RGS20: variants seen among roughly 807,000 people sequenced by gnomAD.
The protein encoded by RGS20 is regulator of G protein signaling 20, also known as gz-selective GTPase-activating protein.
A neutral mutation model predicts 33.6 loss-of-function variants in RGS20; 30 were observed. That is an observed-to-expected ratio of 0.89 (90% CI 0.67 to 1.21). The LOEUF (loss-of-function observed/expected upper bound fraction) is 1.21, where lower values mean the gene tolerates loss of function less well. Ranked by LOEUF, RGS20 falls within the 50% of genes most tolerant of loss-of-function variation. The pLI is 0.00. For synonymous variants in RGS20, 208 were observed against 197.9 expected (o/e 1.05, Z -0.43); for missense variants, 472 against 502.4 (o/e 0.94, Z 0.58).
At chr8:53,859,304 G>A (rs1329369680) in intron 1 of RGS20, among the ~76,000 whole-genome samples, 2 of 152,058 alleles carry the variant, frequency 1.3e-5, no homozygotes, top group Non-Finnish European at 2.9e-5. Flanking sequence ...ACCTTTTGGG[G>A]AATATTTTAA....
At chr8:53,933,415 ATGACC>A (rs1814032381) in intron 2 of RGS20, among the ~76,000 whole-genome samples, 1 of 152,206 alleles carries the variant, frequency 6.6e-6, no homozygotes, top group Admixed American at 6.5e-5. Context: ...AAGAATATAA[ATGACC>A]TGATGTAGCT....
At chr8:53,857,384 A>G (rs1234289817) in intron 1 of RGS20, among the ~76,000 whole-genome samples, 1 of 152,156 alleles carries the variant, frequency 6.6e-6, no homozygotes, top group African/African-American at 2.4e-5. Context: ...CCTTTGATGG[A>G]GACCATAAGG....
intron 2 of RGS20, among the ~76,000 whole-genome samples, chr8:53,896,862 A>G (rs1185011830): frequency 1.3e-4 from 20 of 152,248 alleles, no homozygotes; most frequent in Non-Finnish European, 2.9e-5. Context: ...GATGGCTTTC[A>G]GAGATTTCAA....
chr8:53,955,285 T>C (rs1814835370), intron 5 of RGS20, among the ~76,000 whole-genome samples: 2 of 151,702 alleles, frequency 1.3e-5, no homozygotes, highest in African/African-American at 4.8e-5. Context: ...TCCCCTGGAG[T>C]CTCCATTTGA....
chr8:53,948,414 C>CTATATATAAGATACAGTATATATTTAT lies in RGS20; in HGVS notation c.743+1666_743+1667insTATATATAAGATACAGTATATATTTAT, dbSNP rs1563432154. On this transcript the variant is annotated intron_variant, in intron 4 of 5. Transcript: ENST00000297313. Reference sequence around the variant, plus strand: ...ATATATAAGATACAGTATATATTTACATATGCTATATATAAGATACAGTAT... The same window carrying CTATATATAAGATACAGTATATATTTAT: ...ATATATAAGATACAGTATATATTTACTATATATAAGATACAGTATATATTTATATATGCTATATATAAGATACAGTAT... 1.8e-4 allele frequency among the ~76,000 whole-genome samples: 24 copies of CTATATATAAGATACAGTATATATTTAT among 132,684 alleles called. 1 individual carries two copies. Among genetic ancestry groups the CTATATATAAGATACAGTATATATTTAT allele is most frequent in the Admixed American group, 4.5e-4 (6 of 13,252 alleles). 87.0% of individuals were successfully genotyped at this position (132,684 alleles called of 152,430 possible).
intron 2 of RGS20, among the ~76,000 whole-genome samples, chr8:53,932,368 A>T (rs1157425262): frequency 6.6e-6 from 1 of 152,194 alleles, no homozygotes; most frequent in Non-Finnish European, 1.5e-5. Flanking sequence ...GCAAGCTAAG[A>T]TCCAATGGCT....
In RGS20 at chr8:53,913,082, C is replaced by T. The variant is rs374471123; in HGVS notation, c.511-26494C>T. 6.5e-4 allele frequency among the ~76,000 whole-genome samples: 99 copies of T among 152,088 alleles called. No homozygotes were observed. In the South Asian group the frequency reaches 0.019, roughly 29 times the overall value. Reference sequence around the variant, plus strand: ...CTGGGTTCAAGCAATTCTCCTGCCTCGGCCTCCCAAGTAGCTGGGATTACA... The same window carrying T: ...CTGGGTTCAAGCAATTCTCCTGCCTTGGCCTCCCAAGTAGCTGGGATTACA... On this transcript the variant is annotated intron_variant, in intron 2 of 5. Transcript: ENST00000297313.
chr8:53,893,396 C>T (rs541284914), intron 2 of RGS20, among the ~76,000 whole-genome samples: 3 of 152,118 alleles, frequency 2.0e-5, no homozygotes, highest in African/African-American at 2.4e-5. Context: ...AACCTGGAGG[C>T]GGAGTAGCAG....
intron 2 of RGS20, among the ~76,000 whole-genome samples, chr8:53,915,661 G>A (rs949768324): frequency 3.9e-5 from 6 of 152,206 alleles, no homozygotes; most frequent in African/African-American, 1.2e-4. Context: ...GCAGTCCGGA[G>A]GGAAGCTGCA....
intron 3 of RGS20, among the ~76,000 whole-genome samples, chr8:53,943,946 A>C (rs1442079301): frequency 2.0e-5 from 3 of 152,112 alleles, no homozygotes; most frequent in African/African-American, 7.2e-5. Context: ...GAAAGAAGTC[A>C]AAAGGGTTCC....
chr8:53,954,639 G>A (rs918330769), intron 5 of RGS20, among the ~76,000 whole-genome samples: 5 of 151,766 alleles, frequency 3.3e-5, no homozygotes, highest in Admixed American at 6.6e-5. Flanking sequence ...ACTCCAGCCT[G>A]GGTGACAACA....
intron 3 of RGS20, among the ~76,000 whole-genome samples, chr8:53,944,297 T>C (rs1814397897): frequency 6.6e-6 from 1 of 152,162 alleles, no homozygotes. Context: ...CCCAACACTT[T>C]GGGAGGCCGA....
At chr8:53,867,626 A>C (rs1371654738) in intron 1 of RGS20, among the ~76,000 whole-genome samples, 1 of 151,898 alleles carries the variant, frequency 6.6e-6, no homozygotes, top group Non-Finnish European at 1.5e-5. Flanking sequence ...CTGTTTCCAA[A>C]TCTTAGGTAA....
At chr8:53,909,808 A>G (rs1394817442) in intron 2 of RGS20, among the ~76,000 whole-genome samples, 1 of 152,224 alleles carries the variant, frequency 6.6e-6, no homozygotes, top group Non-Finnish European at 1.5e-5. Flanking sequence ...TGTGTATGAT[A>G]CACTTGTCTT....
intron 1 of RGS20, among the ~76,000 whole-genome samples, chr8:53,872,908 T>C (rs923302609): frequency 9.9e-5 from 15 of 152,162 alleles, no homozygotes; most frequent in Admixed American, 9.8e-4. Flanking sequence ...TCAATGGCAC[T>C]ATCTATTTCC....
Position 53,958,544 on chromosome 8 carries a change from T to C in RGS20, c.*86T>C, listed in dbSNP as rs1814943437. 1 of 664,740 alleles carries C rather than the reference T, an allele frequency of 1.5e-6. No homozygotes were observed. Among genetic ancestry groups the C allele is most frequent in the South Asian group, 5.8e-5 (1 of 17,342 alleles). The allele number at this position is 664,740 out of a possible 1,614,324, so 41.2% of individuals were successfully genotyped here. A position where few individuals can be genotyped will look rare whatever the true frequency, so the allele number is the denominator to read the frequency against. ...CACAGGGAATTTAGAGGTTGTAGCATCTTCTGCTGGAGTAATACTCAGGCT... is the reference window on the plus strand; with the variant it reads ...CACAGGGAATTTAGAGGTTGTAGCACCTTCTGCTGGAGTAATACTCAGGCT... On this transcript the variant is annotated 3_prime_UTR_variant, in exon 6 of 6. Coordinates refer to ENST00000297313, the MANE Select transcript of RGS20 (RefSeq NM_170587.4).
chr8:53,936,924 C>T (rs920394499), intron 2 of RGS20, among the ~76,000 whole-genome samples: 2 of 152,062 alleles, frequency 1.3e-5, no homozygotes, highest in Admixed American at 6.6e-5. Context: ...AGAACAGAGG[C>T]CTCAGAAATA....
intron 4 of RGS20, among the ~76,000 whole-genome samples, chr8:53,953,508 G>C (rs1267598017): frequency 7.7e-6 from 1 of 129,248 alleles, no homozygotes; most frequent in East Asian, 2.3e-4. Flanking sequence ...GCAACAAAGT[G>C]AGACTCTGTC....
chr8:53,940,989 G>A (rs1297900474), intron 3 of RGS20, among the ~76,000 whole-genome samples: 1 of 152,192 alleles, frequency 6.6e-6, no homozygotes, highest in Non-Finnish European at 1.5e-5. Context: ...TCCTCCTAGA[G>A]ATGTGCAGGA....
Sources: allele counts gnomAD v4.1 joint callset (sites outside exome capture counted in the v4.1 genomes callset), GRCh38; gene constraint gnomAD v4.1.1; transcripts MANE v1.5; gene names NCBI Gene and HGNC (gene_info 2026-07-23, HGNC 2026-07-21).